LRRC7: variants seen among roughly 807,000 people sequenced by gnomAD.
The protein encoded by LRRC7 is leucine-rich repeat-containing protein 7.
A neutral mutation model predicts 175.7 loss-of-function variants in LRRC7; 23 were observed. That is an observed-to-expected ratio of 0.13 (90% CI 0.09 to 0.19). The LOEUF is 0.19. Ranked by LOEUF, LRRC7 falls within the 10% of genes least tolerant of loss-of-function variation. The probability of loss-of-function intolerance (pLI) is 1.00; values close to 1 mark genes in which losing one functional copy is unlikely to be tolerated. For synonymous variants in LRRC7, 685 were observed against 680.9 expected, an observed-to-expected ratio of 1.01 and a Z score of -0.09; for missense variants, 1,354 against 1,904.7, an observed-to-expected ratio of 0.71 and a Z score of 5.38.
intron 2 of LRRC7, among the ~76,000 whole-genome samples, chr1:69,717,468 G>A (rs1368518647): frequency 6.6e-6 from 1 of 151,550 alleles, no homozygotes. Context: ...TACTAAGCAA[G>A]GACTCAATAG....
At chr1:69,764,610 G>C (rs753351456) in intron 3 of LRRC7, among the ~76,000 whole-genome samples, 13 of 151,924 alleles carry the variant, frequency 8.6e-5, no homozygotes, top group Non-Finnish European at 1.8e-4. Context: ...CCTAGCATTG[G>C]TATTTGGTTA....
In LRRC7 at chr1:70,018,825, T is replaced by C; in HGVS notation, c.1420+7T>C. ...CAGCCTCGTGGTGATGAAGGTAAAT[T>C]GTCAGTAGAAATTTCTTCTCTACTT... On this transcript the variant is annotated splice_region_variant and intron_variant, in intron 15 of 26. Coordinates refer to ENST00000651989, the MANE Select transcript of LRRC7 (RefSeq NM_001370785.2). 1.3e-6 allele frequency: 2 copies of C among 1,599,896 alleles called. No homozygotes were observed. Among genetic ancestry groups the C allele is most frequent in the Non-Finnish European group, 1.7e-6 (2 of 1,167,854 alleles).
chr1:70,091,362 C>T (rs907440785), intron 25 of LRRC7, among the ~76,000 whole-genome samples: 1 of 152,074 alleles, frequency 6.6e-6, no homozygotes, highest in African/African-American at 2.4e-5. Flanking sequence ...TTTATCTTGA[C>T]TCCTCTTTTT....
At chr1:69,638,122 T>A (rs148110774) in intron 1 of LRRC7, among the ~76,000 whole-genome samples, 1 of 152,044 alleles carries the variant, frequency 6.6e-6, no homozygotes, top group Non-Finnish European at 1.5e-5. Flanking sequence ...GTTTATTTTG[T>A]TTGTTCTCAA....
chr1:69,796,741 C>T (rs921860765), intron 4 of LRRC7, among the ~76,000 whole-genome samples: 3 of 151,936 alleles, frequency 2.0e-5, no homozygotes, highest in South Asian at 4.2e-4. Context: ...TTGCGGTGAG[C>T]CGAGATTGTA....
chr1:69,919,790 G>A lies in LRRC7; in HGVS notation c.648-11717G>A, dbSNP rs895123476. 23 of 858,520 alleles carry A rather than the reference G, an allele frequency of 2.7e-5. No homozygotes were observed. The African/African-American group carries it at 3.0e-4, about 11-fold the overall frequency. The allele number at this position is 858,520 out of a possible 1,614,324, so 53.2% of individuals were successfully genotyped here. On this transcript the variant is annotated intron_variant, in intron 7 of 26. Transcript: ENST00000651989. ...TGCGCGGCGGACGGGGGAGATGAGC[G>A]GGACAGTGTTCACGGATTCCGGCAT...
At chr1:70,064,629 T>G (rs2102094789) in intron 23 of LRRC7, among the ~76,000 whole-genome samples, 1 of 149,484 alleles carries the variant, frequency 6.7e-6, no homozygotes, top group Admixed American at 6.6e-5. Flanking sequence ...TTTTTGGCAC[T>G]GCTTGGTATT....
intron 3 of LRRC7, among the ~76,000 whole-genome samples, chr1:69,781,688 G>GAAAGAAAGAAAGAAGA (rs112404404): frequency 2.3e-5 from 1 of 43,906 alleles, no homozygotes; most frequent in Admixed American, 2.7e-4. Flanking sequence ...TCAAAAAAAA[G>GAAAGAAAGAAAGAAGA]AAGAAAGAAA....
intron 1 of LRRC7, among the ~76,000 whole-genome samples, chr1:69,592,203 C>T (rs959906418): frequency 3.3e-5 from 5 of 151,998 alleles, no homozygotes; most frequent in African/African-American, 9.7e-5. Flanking sequence ...ACCCACAACA[C>T]ATGTACTGTA....
chr1:69,659,277 A>C (rs1657090984), intron 1 of LRRC7, among the ~76,000 whole-genome samples: 1 of 152,000 alleles, frequency 6.6e-6, no homozygotes, highest in African/African-American at 2.4e-5. Flanking sequence ...GGATAAAAAG[A>C]GAATTCCCAA....
intron 7 of LRRC7, among the ~76,000 whole-genome samples, chr1:69,900,187 AC>A (rs1318212131): frequency 6.6e-6 from 1 of 152,164 alleles, no homozygotes; most frequent in Non-Finnish European, 1.5e-5. Flanking sequence ...CAACTAATAA[AC>A]AATATTACTG....
chr1:69,866,820 T>C (rs1368078344), intron 7 of LRRC7, among the ~76,000 whole-genome samples: 1 of 152,224 alleles, frequency 6.6e-6, no homozygotes, highest in Non-Finnish European at 1.5e-5. Context: ...ATGATGAATG[T>C]GTACCTCTAT....
chr1:69,609,450 A>C (rs1648340819), intron 1 of LRRC7, among the ~76,000 whole-genome samples: 1 of 152,040 alleles, frequency 6.6e-6, no homozygotes, highest in Non-Finnish European at 1.5e-5. Context: ...GAGGAAATAA[A>C]GTAAAAGTGC....
intron 23 of LRRC7, among the ~76,000 whole-genome samples, chr1:70,074,267 C>T (rs1033493181): frequency 6.6e-6 from 1 of 151,878 alleles, no homozygotes; most frequent in East Asian, 1.9e-4. Flanking sequence ...ATGCCCTCTC[C>T]TCCAAACAAA....
chr1:69,629,064 G>A (rs957819281), intron 1 of LRRC7, among the ~76,000 whole-genome samples: 2 of 152,044 alleles, frequency 1.3e-5, no homozygotes, highest in African/African-American at 4.8e-5. Context: ...GTTTGGAAGT[G>A]CATTTTTTAG....
At chr1:69,770,123 G>A (rs1018505383) in intron 3 of LRRC7, among the ~76,000 whole-genome samples, 2 of 152,184 alleles carry the variant, frequency 1.3e-5, no homozygotes, top group Non-Finnish European at 2.9e-5. Context: ...AACCGTGACA[G>A]TTGTTCAAGA....
intron 7 of LRRC7, among the ~76,000 whole-genome samples, chr1:69,850,027 G>A (rs570710310): frequency 6.6e-6 from 1 of 152,064 alleles, no homozygotes; most frequent in Admixed American, 6.6e-5. Flanking sequence ...GAGAGAGGTG[G>A]GTTTTTGAGG....
In LRRC7 at chr1:69,865,507, C is replaced by T. The variant is rs1164341593; in HGVS notation, c.647+27224C>T. On this transcript the variant is annotated intron_variant, in intron 7 of 26. Transcript: ENST00000651989. ...TTTTTTTTTTTTTGAAACGGAGTCCCGCTCAGTGCCCCAGGCTGGATGGAG... is the reference window on the plus strand; with the variant it reads ...TTTTTTTTTTTTTGAAACGGAGTCCTGCTCAGTGCCCCAGGCTGGATGGAG... Among the ~76,000 whole-genome samples the T allele has an allele frequency of 1.2e-4, 6 of 48,126 alleles. No homozygotes were observed. In the Admixed American group the frequency reaches 1.4e-3, roughly 11 times the overall value. 31.6% of individuals were successfully genotyped at this position (48,126 alleles called of 152,430 possible).
intron 8 of LRRC7, among the ~76,000 whole-genome samples, chr1:69,976,445 C>G (rs993268128): frequency 2.0e-5 from 3 of 152,170 alleles, no homozygotes; most frequent in Non-Finnish European, 4.4e-5. Context: ...GTCTGCCCTC[C>G]CCAGCCCACT....
Sources: allele counts gnomAD v4.1 joint callset (sites outside exome capture counted in the v4.1 genomes callset), GRCh38; gene constraint gnomAD v4.1.1; transcripts MANE v1.5; gene names NCBI Gene and HGNC (gene_info 2026-07-23, HGNC 2026-07-21).